Variants in COP1 observed in about 807,000 individuals in gnomAD.
COP1 encodes the protein E3 ubiquitin-protein ligase COP1.
Under a neutral mutation model 101.3 loss-of-function variants are expected in COP1, and 24 were observed. That is an observed-to-expected ratio of 0.24 (90% CI 0.17 to 0.33). COP1 has a LOEUF of 0.33. Ranked by LOEUF, COP1 falls within the 10% of genes least tolerant of loss-of-function variation. The pLI is 1.00. For missense variants in COP1, 663 were observed against 906.2 expected, an observed-to-expected ratio of 0.73 and a Z score of 3.45; for synonymous variants, 347 against 341.9, an observed-to-expected ratio of 1.01 and a Z score of -0.17.
chr1:176,036,097 T>C lies in COP1; in HGVS notation c.1612+7089A>G, dbSNP rs148115425. ...TATACTAGTCATGAAAATAATATAATAGCAAATATAATAGTAAATAGTCAT... is the reference window on the plus strand; with the variant it reads ...TATACTAGTCATGAAAATAATATAACAGCAAATATAATAGTAAATAGTCAT... On this transcript the variant is annotated intron_variant, in intron 14 of 19. Transcript: ENST00000367669. 9.8e-4 allele frequency among the ~76,000 whole-genome samples: 149 copies of C among 152,164 alleles called. 1 individual carries two copies. Among genetic ancestry groups the C allele is most frequent in the African/African-American group, 3.2e-3 (132 of 41,564 alleles).
chr1:176,106,237 G>C (rs1333148368), intron 9 of COP1, among the ~76,000 whole-genome samples: 2 of 152,036 alleles, frequency 1.3e-5, no homozygotes, highest in Non-Finnish European at 2.9e-5. Flanking sequence ...CTCCATGTCG[G>C]CCAGGCTGGT....
chr1:176,079,806 A>G (rs1273774346), intron 11 of COP1, among the ~76,000 whole-genome samples: 2 of 152,202 alleles, frequency 1.3e-5, no homozygotes, highest in African/African-American at 4.8e-5. Flanking sequence ...TGGTTATGTG[A>G]GGAATTAGTC....
intron 15 of COP1, among the ~76,000 whole-genome samples, chr1:176,008,626 T>C (rs887104378): frequency 7.2e-5 from 11 of 152,182 alleles, no homozygotes; most frequent in African/African-American, 2.7e-4. Flanking sequence ...ATTTTTCTTG[T>C]TTGTGTATAC....
At chr1:175,954,001 C>G (rs1650290584) in intron 18 of COP1, among the ~76,000 whole-genome samples, 1 of 152,144 alleles carries the variant, frequency 6.6e-6, no homozygotes, top group African/African-American at 2.4e-5. Flanking sequence ...AATACACATT[C>G]TTTTCAAATG....
intron 15 of COP1, among the ~76,000 whole-genome samples, chr1:176,002,921 G>A (rs1662101763): frequency 6.6e-6 from 1 of 150,504 alleles, no homozygotes; most frequent in African/African-American, 2.4e-5. Flanking sequence ...AGATCCCTGA[G>A]GAATCGCCAC....
Position 176,206,617 on chromosome 1 carries a change from T to C in COP1, c.362A>G (p.Asn121Ser). The C allele has an allele frequency of 6.2e-7, 1 of 1,612,196 alleles. No individual in the cohort carries two copies. The highest frequency in any genetic ancestry group is 8.5e-7 in the Non-Finnish European group (1 of 1,179,978). ...GTCCTCGTAGGAGTTGATGAGCCCG[T>C]TGCAGAGGGGGGCGAGGAGAGGTCG... ...RKRPLLAPLC[N>S]GLINSYEDKS... is the part of the protein sequence containing the mutation. The change falls in exon 1 of 20, where the codon AAC becomes AGC. Residue 121 changes from asparagine to serine, a missense_variant. Around this residue, in one of 4 missense-constraint regions of COP1, gnomAD observed 204 missense variants for 203.6 expected, o/e 1.00. Coordinates refer to ENST00000367669, the MANE Select transcript of COP1 (RefSeq NM_022457.7).
At chr1:176,040,005 C>G (rs1376771787) in intron 14 of COP1, among the ~76,000 whole-genome samples, 1 of 152,052 alleles carries the variant, frequency 6.6e-6, no homozygotes, top group African/African-American at 2.4e-5. Flanking sequence ...AGAAAACTTA[C>G]GGGAAAACCT....
At chr1:176,135,364 ATAAATG>A (rs779151171) in intron 7 of COP1, among the ~76,000 whole-genome samples, 125 of 152,204 alleles carry the variant, frequency 8.2e-4, no homozygotes, top group Non-Finnish European at 1.2e-3. Context: ...GCAAAAAAAG[ATAAATG>A]TAAATGTAAA....
intron 8 of COP1, among the ~76,000 whole-genome samples, chr1:176,121,492 T>A (rs1407067348): frequency 1.6e-5 from 2 of 127,700 alleles, no homozygotes; most frequent in Non-Finnish European, 3.3e-5. Flanking sequence ...CCAGACATTA[T>A]TTTCATTTCT....
At chr1:176,012,828 G>C (rs77326880) in intron 15 of COP1, among the ~76,000 whole-genome samples, 1 of 152,284 alleles carries the variant, frequency 6.6e-6, no homozygotes, top group East Asian at 1.9e-4. Flanking sequence ...ATATAGCTTA[G>C]GTATGCAGTA....
intron 11 of COP1, among the ~76,000 whole-genome samples, chr1:176,063,084 G>T (rs1476072676): frequency 8.9e-6 from 1 of 112,214 alleles, no homozygotes; most frequent in Non-Finnish European, 1.6e-5. Flanking sequence ...ACGGAGTCTC[G>T]CTCTGTCGCC....
In COP1 at chr1:175,945,015, A is replaced by G; in HGVS notation, c.*138T>C. On this transcript the variant is annotated 3_prime_UTR_variant, in exon 20 of 20. Coordinates refer to ENST00000367669, the MANE Select transcript of COP1 (RefSeq NM_022457.7). ...ATAAAGGAGGGAAAAGAAAAAAAGA[A>G]AAAAATATTCAAAACAAATCCAAAA... 1 of 728,802 alleles carries G rather than the reference A, an allele frequency of 1.4e-6. No individual in the cohort carries two copies. Among genetic ancestry groups the G allele is most frequent in the Non-Finnish European group, 2.3e-6 (1 of 435,250 alleles). 45.1% of individuals were successfully genotyped at this position (728,802 alleles called of 1,614,324 possible).
chr1:176,074,912 C>T (rs1677703309), intron 11 of COP1, among the ~76,000 whole-genome samples: 1 of 151,966 alleles, frequency 6.6e-6, no homozygotes, highest in African/African-American at 2.4e-5. Flanking sequence ...CACATTCAAT[C>T]TACATTTCTG....
chr1:175,992,179 T>A (rs1658691045), intron 15 of COP1, among the ~76,000 whole-genome samples: 1 of 152,248 alleles, frequency 6.6e-6, no homozygotes, highest in Non-Finnish European at 1.5e-5. Context: ...TCATGGAGAA[T>A]GGCGCACCTA....
chr1:175,956,714 T>C (rs557296924), intron 18 of COP1, among the ~76,000 whole-genome samples: 6 of 152,310 alleles, frequency 3.9e-5, no homozygotes, highest in Non-Finnish European at 5.9e-5. Flanking sequence ...ATGATGGTGG[T>C]CCAATAAGAT....
chr1:175,957,931 C>T (rs532177109), intron 18 of COP1, among the ~76,000 whole-genome samples: 8 of 152,218 alleles, frequency 5.3e-5, no homozygotes, highest in Admixed American at 4.6e-4. Flanking sequence ...AAATTACATA[C>T]TGTATCATTC....
chr1:176,103,363 G>C (rs942627501), intron 9 of COP1, among the ~76,000 whole-genome samples: 1 of 152,168 alleles, frequency 6.6e-6, no homozygotes, highest in Non-Finnish European at 1.5e-5. Flanking sequence ...GAGGCCTGGA[G>C]ATTAAGCTCT....
chr1:176,044,653 T>A (rs1425193955), intron 12 of COP1, among the ~76,000 whole-genome samples: 1 of 152,210 alleles, frequency 6.6e-6, no homozygotes, highest in Non-Finnish European at 1.5e-5. Context: ...TTAGGTAGAC[T>A]TGAGTTCAAA....
At chr1:176,146,375 A>G (rs1393240170) in intron 6 of COP1, among the ~76,000 whole-genome samples, 3 of 152,216 alleles carry the variant, frequency 2.0e-5, no homozygotes, top group African/African-American at 4.8e-5. Flanking sequence ...CCCTTGTGCA[A>G]TTCTGAGTGT....
Sources: gnomAD v4.1 joint callset for allele counts (sites outside exome capture counted in the v4.1 genomes callset) on GRCh38, gnomAD v4.1.1 for gene constraint, gnomAD v4.1.1 regional missense constraint, MANE v1.5 for transcripts, NCBI Gene and HGNC (gene_info 2026-07-23, HGNC 2026-07-21) for gene names.